Variants in DCUN1D3 observed in about 807,000 individuals in gnomAD.
DCUN1D3 encodes defective in cullin neddylation 1 domain containing 3.
In DCUN1D3, 6 loss-of-function variants were observed where a neutral mutation model predicts 24.8. The observed-to-expected ratio is 0.24, with a 90% CI of 0.13 to 0.48. The LOEUF (loss-of-function observed/expected upper bound fraction) is 0.48. Among genes scored for constraint, DCUN1D3 ranks in the 20% least tolerant of loss-of-function variants. DCUN1D3 has a pLI of 0.99. For missense variants in DCUN1D3, 258 were observed against 379.4 expected (o/e 0.68, Z 2.66); for synonymous variants, 120 against 144.9 (o/e 0.83, Z 1.24).
At chr16:20,887,914 CT>C (rs1203250302) in intron 1 of DCUN1D3, among the ~76,000 whole-genome samples, 2 of 152,218 alleles carry the variant, frequency 1.3e-5, no homozygotes, top group East Asian at 3.8e-4. Flanking sequence ...CACTGCTAGA[CT>C]TATACAGGCT....
rs1405291098 is a variant in DCUN1D3, at chr16:20,857,355, C to T, written c.*2531G>A. The T allele has an allele frequency of 2.0e-5, 3 of 152,158 alleles. No individual in the cohort carries two copies. The highest frequency in any genetic ancestry group is 2.9e-5 in the Non-Finnish European group (2 of 68,026). 9.4% of individuals were successfully genotyped at this position (152,158 alleles called of 1,614,324 possible). ...GAGGCTAAATAGTTAATTTAAAAAACAACAAAATACATCCACTCTAGTACA... is the reference window on the plus strand; with the variant it reads ...GAGGCTAAATAGTTAATTTAAAAAATAACAAAATACATCCACTCTAGTACA... On this transcript the variant is annotated 3_prime_UTR_variant, in exon 3 of 3. Transcript: ENST00000324344.
At chr16:20,864,364 T>A (rs1405230801) in intron 1 of DCUN1D3, among the ~76,000 whole-genome samples, 2 of 151,970 alleles carry the variant, frequency 1.3e-5, no homozygotes, top group Non-Finnish European at 2.9e-5. Flanking sequence ...AAGACATACA[T>A]GTGGCCAACA....
At chr16:20,893,216 A>G (rs1365425816) in intron 1 of DCUN1D3, among the ~76,000 whole-genome samples, 1 of 151,610 alleles carries the variant, frequency 6.6e-6, no homozygotes, top group Non-Finnish European at 1.5e-5. Context: ...CTCTGTCACC[A>G]AGGCTACAGT....
At position 20,860,519 on chromosome 16, in the gene DCUN1D3, T is replaced by C. The variant is rs563767822; in HGVS notation, c.432-150A>G. On this transcript the variant is annotated intron_variant, in intron 2 of 2. Transcript: ENST00000324344. This position sits in a 1 kb window ranked among gnomAD's most constrained non-coding sequence, Gnocchi z 4.3. ...CTAATTAGTCCTATTTCCTTACTTG[T>C]CAAATGGTAAAAATACCACCTTACT... is the stretch of plus-strand genomic sequence containing the variant. 2.0e-5 allele frequency: 17 copies of C among 866,868 alleles called. 1 individual carries two copies. The highest frequency in any genetic ancestry group is 7.0e-4 in the Middle Eastern group (2 of 2,844). The allele number at this position is 866,868 out of a possible 1,614,324, so 53.7% of individuals were successfully genotyped here.
Position 20,860,443 on chromosome 16 carries a change from GA to G in DCUN1D3, c.432-75del. 1 of 1,469,700 alleles carries G rather than the reference GA, an allele frequency of 6.8e-7. No individual in the cohort carries two copies. Among genetic ancestry groups the G allele is most frequent in the South Asian group, 1.4e-5 (1 of 73,042 alleles). The allele number at this position is 1,469,700 out of a possible 1,614,324, so 91.0% of individuals were successfully genotyped here. On this transcript the variant is annotated intron_variant, in intron 2 of 2. Coordinates refer to ENST00000324344, the MANE Select transcript of DCUN1D3 (RefSeq NM_173475.4). This position sits in a 1 kb window ranked among gnomAD's most constrained non-coding sequence, Gnocchi z 4.3. ...TACAGGCAATATACATAGTGATTAA[GA>G]GCAAGGCTTTCAGGCCAGATGGTCT...
chr16:20,862,279 G>A lies in DCUN1D3; in HGVS notation c.260C>T (p.Ser87Phe). The A allele has an allele frequency of 2.5e-6, 4 of 1,614,194 alleles. No homozygotes were observed. The highest frequency in any genetic ancestry group is 2.2e-5 in the East Asian group (1 of 44,882). The change falls in exon 2 of 3, where the codon TCC (serine) becomes TTC (phenylalanine). Residue 87 changes from serine (S) to phenylalanine (F), a missense_variant. Physicochemically the swap from Ser to Phe is radical, Grantham distance 155. Transcript: ENST00000324344. ...RESKSNAEES[S>F]LQRLEELFRR... ...GAACAGTTCTTCCAATCTTTGCAAG[G>A]AAGACTCCTCGGCATTGGACTTGGA...
intron 1 of DCUN1D3, among the ~76,000 whole-genome samples, chr16:20,883,141 G>T (rs2081852616): frequency 6.6e-6 from 1 of 152,066 alleles, no homozygotes; most frequent in African/African-American, 2.4e-5. Flanking sequence ...TCATGTCAGG[G>T]ATCAAAAGTT....
chr16:20,893,855 G>A (rs1423131176), intron 1 of DCUN1D3, among the ~76,000 whole-genome samples: 2 of 152,152 alleles, frequency 1.3e-5, no homozygotes, highest in Admixed American at 6.5e-5. Flanking sequence ...AAAATTAAAG[G>A]ACACATACTA....
rs550877416 is a variant in DCUN1D3 at position 20,894,338 on chromosome 16, C to A, written c.-106+5866G>T. Among the ~76,000 whole-genome samples the A allele has an allele frequency of 1.5e-3, 228 of 152,196 alleles. 1 individual carries two copies. Among genetic ancestry groups the A allele is most frequent in the African/African-American group, 5.3e-3 (220 of 41,516 alleles). ...AGGTTTTTTCAACACTTTCTCTTGGCCCAACAGGCAGAAAGAGGGGCAGTG... is the reference window on the plus strand; with the variant it reads ...AGGTTTTTTCAACACTTTCTCTTGGACCAACAGGCAGAAAGAGGGGCAGTG... On this transcript the variant is annotated intron_variant, in intron 1 of 2. Transcript: ENST00000324344.
intron 1 of DCUN1D3, among the ~76,000 whole-genome samples, chr16:20,878,665 A>T (rs2081827968): frequency 6.6e-6 from 1 of 152,242 alleles, no homozygotes; most frequent in Admixed American, 6.5e-5. Flanking sequence ...TGCTTTAAAT[A>T]CGAATTCAAC....
chr16:20,863,922 C>A (rs2081746429), intron 1 of DCUN1D3, among the ~76,000 whole-genome samples: 1 of 152,182 alleles, frequency 6.6e-6, no homozygotes, highest in Non-Finnish European at 1.5e-5. Flanking sequence ...TAGCCATATG[C>A]AGAAGACTGA....
intron 1 of DCUN1D3, among the ~76,000 whole-genome samples, chr16:20,866,413 C>A (rs1041547602): frequency 6.6e-6 from 1 of 152,166 alleles, no homozygotes. Context: ...GATTTCCTGG[C>A]CTCCATCTGA....
Position 20,857,122 on chromosome 16 carries a change from GA to G in DCUN1D3, c.*2763del, listed in dbSNP as rs2081706300. 6.6e-6 allele frequency: 1 copy of G among 152,178 alleles called. No individual in the cohort carries two copies. The allele number at this position is 152,178 out of a possible 1,614,324, so 9.4% of individuals were successfully genotyped here. On this transcript the variant is annotated 3_prime_UTR_variant, in exon 3 of 3. Transcript: ENST00000324344. ...ACACCTCACCTTGGATCCCTTTGCA[GA>G]AAAACTGCATTTCTTGTGGTCATGA...
At chr16:20,878,346 A>G (rs2081826430) in intron 1 of DCUN1D3, among the ~76,000 whole-genome samples, 1 of 152,178 alleles carries the variant, frequency 6.6e-6, no homozygotes, top group African/African-American at 2.4e-5. Context: ...ACATAGGGAG[A>G]TGTTCAACCT....
intron 1 of DCUN1D3, among the ~76,000 whole-genome samples, chr16:20,877,011 C>G (rs1021096375): frequency 2.0e-5 from 3 of 151,810 alleles, no homozygotes; most frequent in Admixed American, 1.3e-4. Context: ...AGAAGTAAGA[C>G]CTAGCGTTGG....
rs573092923 is a variant in DCUN1D3 at position 20,862,021 on chromosome 16, C to T, written c.431+87G>A. The T allele has an allele frequency of 2.8e-6, 4 of 1,446,988 alleles. No homozygotes were observed. In the East Asian group the frequency reaches 9.1e-5, roughly 33 times the overall value. The allele number at this position is 1,446,988 out of a possible 1,614,324, so 89.6% of individuals were successfully genotyped here. A position where few individuals can be genotyped will look rare whatever the true frequency, so the allele number is the denominator to read the frequency against. On this transcript the variant is annotated intron_variant, in intron 2 of 2. Coordinates refer to ENST00000324344, the MANE Select transcript of DCUN1D3 (RefSeq NM_173475.4). ...TACCCAAAACCCTATGAAGCCAACCCAGTCCTATCCTAGCTGGGCACCACT... is the reference window on the plus strand; with the variant it reads ...TACCCAAAACCCTATGAAGCCAACCTAGTCCTATCCTAGCTGGGCACCACT...
rs2081702689 is a variant in DCUN1D3, at chr16:20,856,337, A to G, written c.*3549T>C. On this transcript the variant is annotated 3_prime_UTR_variant, in exon 3 of 3. Coordinates refer to ENST00000324344, the MANE Select transcript of DCUN1D3 (RefSeq NM_173475.4). ...TTTAATACAATTTGGCACAGTATAT[A>G]GTACATGAGGCCATCGAGTGTAACT... is the stretch of plus-strand genomic sequence containing the variant. The G allele has an allele frequency of 6.6e-6, 1 of 152,216 alleles. No homozygotes were observed. Among genetic ancestry groups the G allele is most frequent in the Admixed American group, 6.5e-5 (1 of 15,284 alleles). 9.4% of individuals were successfully genotyped at this position (152,216 alleles called of 1,614,324 possible). A position where few individuals can be genotyped will look rare whatever the true frequency, so the allele number is the denominator to read the frequency against.
rs2081739517 is a variant in DCUN1D3 at position 20,862,609 on chromosome 16, C to T, written c.-71G>A. 6.5e-7 allele frequency: 1 copy of T among 1,528,098 alleles called. No individual in the cohort carries two copies. Among genetic ancestry groups the T allele is most frequent in the Admixed American group, 2.1e-5 (1 of 48,622 alleles). The allele number at this position is 1,528,098 out of a possible 1,614,324, so 94.7% of individuals were successfully genotyped here. A position where few individuals can be genotyped will look rare whatever the true frequency, so the allele number is the denominator to read the frequency against. On this transcript the variant is annotated 5_prime_UTR_variant, in exon 2 of 3. Coordinates refer to ENST00000324344, the MANE Select transcript of DCUN1D3 (RefSeq NM_173475.4). ...GCCCTCGCTGCCGCTGGCCCATGTA[C>T]CTCAACATGCCATCAGCCAGAGGAG...
At chr16:20,862,069 C>T (rs1388428861) in intron 2 of DCUN1D3, 39 bp downstream of exon 2, 16 of 1,600,530 alleles carry the variant, frequency 1.0e-5, no homozygotes, top group Admixed American at 6.7e-5. Context: ...TCCCTTTCCT[C>T]CACTGCTCAC....
Sources: allele counts gnomAD v4.1 joint callset (sites outside exome capture counted in the v4.1 genomes callset), GRCh38; gene constraint gnomAD v4.1.1; non-coding constraint Gnocchi (gnomAD v3.1); transcripts MANE v1.5; gene names NCBI Gene and HGNC (gene_info 2026-07-23, HGNC 2026-07-21).